Variants in VSTM4 observed in about 807,000 individuals in gnomAD.
VSTM4 encodes the protein V-set and transmembrane domain-containing protein 4.
Under a neutral mutation model 36.4 loss-of-function variants are expected in VSTM4, and 20 were observed. The observed-to-expected ratio is 0.55, with a 90% CI of 0.39 to 0.80. VSTM4 has a LOEUF of 0.80. Among genes scored for constraint, VSTM4 ranks in the 30% least tolerant of loss-of-function variants. The pLI, the probability that VSTM4 is intolerant of heterozygous loss-of-function variation, is 0.00. For synonymous variants in VSTM4, 182 were observed against 173.9 expected, an observed-to-expected ratio of 1.05 and a Z score of -0.37; for missense variants, 392 against 404.5, an observed-to-expected ratio of 0.97 and a Z score of 0.26.
chr10:49,075,125 A>G (rs1844151743), intron 4 of VSTM4, among the ~76,000 whole-genome samples: 1 of 152,212 alleles, frequency 6.6e-6, no homozygotes, highest in African/African-American at 2.4e-5. Flanking sequence ...GGCCCACTCC[A>G]GTGGGGATGA....
chr10:49,050,611 A>C (rs1373980208), intron 5 of VSTM4, among the ~76,000 whole-genome samples: 1 of 152,234 alleles, frequency 6.6e-6, no homozygotes, highest in Non-Finnish European at 1.5e-5. Context: ...AATAGCCAAA[A>C]AGAATGTGAA....
intron 5 of VSTM4, chr10:49,064,009 G>A (rs1300329866): frequency 3.9e-5 from 6 of 152,238 alleles, no homozygotes; most frequent in Non-Finnish European, 8.8e-5. Flanking sequence ...TTGCTAGATT[G>A]GAGTAGGAAA....
At position 49,064,729 on chromosome 10, in the gene VSTM4, ATG is replaced by A. The variant is rs1206115766; in HGVS notation, c.640_641del (p.His214LeufsTer16). On this transcript the variant is annotated frameshift_variant, in exon 5 of 8. Transcript: ENST00000332853. LOFTEE classifies it high-confidence loss of function. ...VFNKRKSRVRHYLVKCPQNSS... is the reference protein window; with the variant it reads ...VFNKRKSRVRXYLVKCPQNSS... ...TGTTCTGAGGGCATTTCACCAAATA[ATG>A]TCTCACTGTGAAAGGAAAAATAATA... The A allele has an allele frequency of 8.1e-6, 13 of 1,612,998 alleles. No individual in the cohort carries two copies. Among genetic ancestry groups the A allele is most frequent in the Non-Finnish European group, 1.0e-5 (12 of 1,179,654 alleles).
intron 7 of VSTM4, among the ~76,000 whole-genome samples, chr10:49,033,030 T>A (rs1843371422): frequency 6.6e-6 from 1 of 152,070 alleles, no homozygotes; most frequent in Non-Finnish European, 1.5e-5. Context: ...GAGGCTATAC[T>A]TTCACATAAC....
At chr10:49,114,266 G>A (rs1451141841) in intron 1 of VSTM4, among the ~76,000 whole-genome samples, 1 of 152,224 alleles carries the variant, frequency 6.6e-6, no homozygotes, top group Non-Finnish European at 1.5e-5. Context: ...TGTTATCCAA[G>A]TGCCTCCTCC....
intron 7 of VSTM4, 35 bp downstream of exon 7, chr10:49,046,948 A>G: frequency 1.3e-6 from 2 of 1,598,484 alleles, no homozygotes; most frequent in Non-Finnish European, 1.7e-6. Context: ...TCTGAGGCTT[A>G]AGGTATGATA....
chr10:49,082,520 C>T (rs1844298186), intron 3 of VSTM4, among the ~76,000 whole-genome samples: 1 of 152,048 alleles, frequency 6.6e-6, no homozygotes, highest in South Asian at 2.1e-4. Context: ...ACTAAAAATA[C>T]AAAAATTAGC....
intron 2 of VSTM4, among the ~76,000 whole-genome samples, chr10:49,089,307 T>C (rs1220487738): frequency 6.6e-6 from 1 of 152,206 alleles, no homozygotes; most frequent in Non-Finnish European, 1.5e-5. Context: ...TTCACTGCTC[T>C]AACCTCCACC....
chr10:49,046,303 A>G (rs1351447465), intron 7 of VSTM4, among the ~76,000 whole-genome samples: 2 of 152,216 alleles, frequency 1.3e-5, no homozygotes, highest in African/African-American at 2.4e-5. Flanking sequence ...CTACTCTTCA[A>G]AAGTGTCAAG....
In VSTM4 at chr10:49,017,645, AG is replaced by A. The variant is rs1310613653; in HGVS notation, c.*2004del. On this transcript the variant is annotated 3_prime_UTR_variant, in exon 8 of 8. Transcript: ENST00000332853. Reference sequence around the variant, plus strand: ...TTCATTTCCGTTCTGTAGAGGCCTAAGGGGCCTGGGAAGATATTACCCCCTG... The same window carrying A: ...TTCATTTCCGTTCTGTAGAGGCCTAAGGGCCTGGGAAGATATTACCCCCTG... 6.6e-6 allele frequency: 1 copy of A among 152,150 alleles called. No individual in the cohort carries two copies. Among genetic ancestry groups the A allele is most frequent in the Non-Finnish European group, 1.5e-5 (1 of 68,054 alleles). 9.4% of individuals were successfully genotyped at this position (152,150 alleles called of 1,614,324 possible).
intron 5 of VSTM4, among the ~76,000 whole-genome samples, chr10:49,062,637 G>T (rs1485201910): frequency 6.6e-6 from 1 of 152,124 alleles, no homozygotes; most frequent in Non-Finnish European, 1.5e-5. Context: ...ATAGGGCTTT[G>T]TCTTTTGCCA....
chr10:49,095,356 C>T (rs750703732), intron 2 of VSTM4, among the ~76,000 whole-genome samples: 3 of 152,044 alleles, frequency 2.0e-5, no homozygotes, highest in Non-Finnish European at 2.9e-5. Context: ...TCTAAAAAGT[C>T]ATCATTGGGC....
intron 7 of VSTM4, among the ~76,000 whole-genome samples, chr10:49,046,337 G>A (rs1843610515): frequency 6.6e-6 from 1 of 152,150 alleles, no homozygotes; most frequent in African/African-American, 2.4e-5. Context: ...AAGAAAGCCT[G>A]CAAATCTGTC....
chr10:49,027,290 G>A (rs2254754), intron 7 of VSTM4, among the ~76,000 whole-genome samples: 102,457 of 152,016 alleles, frequency 0.67, 36,446 homozygotes, highest in Non-Finnish European at 0.8. Flanking sequence ...AATGCTCTAA[G>A]CATGCATGTT....
At position 49,072,016 on chromosome 10, in the gene VSTM4, C is replaced by T. The variant is rs535664541; in HGVS notation, c.634+5203G>A. On this transcript the variant is annotated intron_variant, in intron 4 of 7. Coordinates refer to ENST00000332853, the MANE Select transcript of VSTM4 (RefSeq NM_001031746.5). ...ATGCAAAGTTTGTTATAGTGCAGTGCATTAAATGACAGAATATGTTATATT... is the reference window on the plus strand; with the variant it reads ...ATGCAAAGTTTGTTATAGTGCAGTGTATTAAATGACAGAATATGTTATATT... Among the ~76,000 whole-genome samples, 96 of 152,266 alleles carry T rather than the reference C, an allele frequency of 6.3e-4. No individual in the cohort carries two copies. The South Asian group carries it at 0.011, about 17-fold the overall frequency.
intron 7 of VSTM4, among the ~76,000 whole-genome samples, chr10:49,022,607 A>C (rs1297190288): frequency 1.3e-5 from 2 of 152,030 alleles, no homozygotes; most frequent in Non-Finnish European, 2.9e-5. Flanking sequence ...TTTGACACCA[A>C]AAGTCTTTAC....
intron 7 of VSTM4, among the ~76,000 whole-genome samples, chr10:49,045,782 C>T (rs1002260560): frequency 6.6e-6 from 1 of 152,162 alleles, no homozygotes; most frequent in Non-Finnish European, 1.5e-5. Context: ...GATATATTGT[C>T]GTCATGTGCC....
rs747473640 is a variant in VSTM4 at position 49,048,613 on chromosome 10, CA to C, written c.669-30del. The C allele has an allele frequency of 4.5e-6, 7 of 1,539,108 alleles. No homozygotes were observed. The African/African-American group carries it at 9.9e-5, about 22-fold the overall frequency. The stretch of plus-strand genomic sequence containing the variant: ...TAGAAGAAAAAGTTTCCAGTGAAAC[CA>C]AAGGCAGATTTGTTGCAAAAGAGAA... On this transcript the variant is annotated intron_variant, in intron 5 of 7. Transcript: ENST00000332853.
intron 7 of VSTM4, among the ~76,000 whole-genome samples, chr10:49,038,748 G>A (rs935724019): frequency 2.0e-5 from 3 of 152,126 alleles, no homozygotes; most frequent in Non-Finnish European, 4.4e-5. Flanking sequence ...CCCTCCAGGG[G>A]AGTGTCTGGT....
Sources: gnomAD v4.1 joint callset for allele counts (sites outside exome capture counted in the v4.1 genomes callset) on GRCh38, gnomAD v4.1.1 for gene constraint, MANE v1.5 for transcripts, NCBI Gene and HGNC (gene_info 2026-07-23, HGNC 2026-07-21) for gene names.